Variants in DBNL observed in about 807,000 individuals in gnomAD.
The protein encoded by DBNL is drebrin-like protein.
In DBNL, 35 loss-of-function variants were observed where a neutral mutation model predicts 62.2. That is an observed-to-expected ratio of 0.56 (90% CI 0.43 to 0.75). The LOEUF is 0.75. Ranked by LOEUF, DBNL falls within the 30% of genes least tolerant of loss-of-function variation. The probability of loss-of-function intolerance (pLI) is 0.00; values close to 1 mark genes in which losing one functional copy is unlikely to be tolerated. For missense variants in DBNL, 495 were observed against 578.4 expected, an observed-to-expected ratio of 0.86 and a Z score of 1.48; for synonymous variants, 197 against 218.0, an observed-to-expected ratio of 0.90 and a Z score of 0.85.
Position 44,062,808 on chromosome 7 carries a change from G to C in DBNL, c.*1892G>C, listed in dbSNP as rs375024229. On this transcript the variant is annotated 3_prime_UTR_variant, in exon 13 of 13. Coordinates refer to ENST00000448521, the MANE Select transcript of DBNL (RefSeq NM_001014436.3). ...GCAGCCACAGCCTCCATGGCCTTCCGCACCGTTTCCTCATCACCCAGGAAC... is the reference window on the plus strand; with the variant it reads ...GCAGCCACAGCCTCCATGGCCTTCCCCACCGTTTCCTCATCACCCAGGAAC... 5 of 1,614,134 alleles carry C rather than the reference G, an allele frequency of 3.1e-6. No individual in the cohort carries two copies. In the Admixed American group the frequency reaches 5.0e-5, roughly 16 times the overall value.
At position 44,065,519 on chromosome 7, in the gene DBNL, T is replaced by C; in HGVS notation, c.*4603T>C. On this transcript the variant is annotated 3_prime_UTR_variant, in exon 13 of 13. Coordinates refer to ENST00000448521, the MANE Select transcript of DBNL (RefSeq NM_001014436.3). The stretch of plus-strand genomic sequence containing the variant: ...GCCGTGCCGGACCATCACGAGGCGG[T>C]GAGTGGCCATGGTGGCAGCAGGGAC... 6.2e-7 allele frequency: 1 copy of C among 1,613,818 alleles called. No individual in the cohort carries two copies.
At chr7:44,048,227 G>C (rs1277359399) in intron 1 of DBNL, among the ~76,000 whole-genome samples, 1 of 152,310 alleles carries the variant, frequency 6.6e-6, no homozygotes, top group Admixed American at 6.5e-5. Context: ...GTCCCTTCTT[G>C]CAAGAGCTGG....
intron 4 of DBNL, among the ~76,000 whole-genome samples, chr7:44,055,014 T>C (rs1164152767): frequency 1.3e-5 from 2 of 152,250 alleles, no homozygotes; most frequent in Non-Finnish European, 2.9e-5. Flanking sequence ...ATACTAAATT[T>C]TCTTTACCCT....
chr7:44,059,250 C>A lies in DBNL; in HGVS notation c.836-104C>A. ...CTGTTCCTGCACTAGCAAGAGCAAG[C>A]CCCATGAGACTGCCTCGAGCACACC... On this transcript the variant is annotated intron_variant, in intron 9 of 12. Coordinates refer to ENST00000448521, the MANE Select transcript of DBNL (RefSeq NM_001014436.3). The surrounding 1 kb of genome is among the most constrained non-coding windows in gnomAD (Gnocchi z 4.1). The A allele has an allele frequency of 8.3e-7, 1 of 1,199,500 alleles. No homozygotes were observed. Among genetic ancestry groups the A allele is most frequent in the Non-Finnish European group, 1.2e-6 (1 of 843,340 alleles). The allele number at this position is 1,199,500 out of a possible 1,614,324, so 74.3% of individuals were successfully genotyped here. A position where few individuals can be genotyped will look rare whatever the true frequency, so the allele number is the denominator to read the frequency against.
rs961635945 is a variant in DBNL at position 44,052,082 on chromosome 7, G to A, written c.252+140G>A. The A allele has an allele frequency of 7.7e-5, 52 of 673,042 alleles. 2 individuals carry two copies. In the South Asian group the frequency reaches 8.7e-4, roughly 11 times the overall value. 41.7% of individuals were successfully genotyped at this position (673,042 alleles called of 1,614,324 possible). ...AGAACAGCTCTGAGCTGGTGAATGAGCAGAATAGTTGACAGATTCATTGTG... is the reference window on the plus strand; with the variant it reads ...AGAACAGCTCTGAGCTGGTGAATGAACAGAATAGTTGACAGATTCATTGTG... On this transcript the variant is annotated intron_variant, in intron 3 of 12. Transcript: ENST00000448521.
chr7:44,062,487 C>T lies in DBNL; in HGVS notation c.*1571C>T, dbSNP rs1001599028. ...GGCCCCAAGCACGCCAATTCTGGAG[C>T]ATGGTTACTAAGTGGCTCTGAAGCT... is the stretch of plus-strand genomic sequence containing the variant. On this transcript the variant is annotated 3_prime_UTR_variant, in exon 13 of 13. Transcript: ENST00000448521. 2.1e-6 allele frequency: 1 copy of T among 487,760 alleles called. No homozygotes were observed. Among genetic ancestry groups the T allele is most frequent in the African/African-American group, 1.9e-5 (1 of 51,356 alleles). The allele number at this position is 487,760 out of a possible 1,614,324, so 30.2% of individuals were successfully genotyped here.
At position 44,064,811 on chromosome 7, in the gene DBNL, G is replaced by GC; in HGVS notation, c.*3895_*3896insC. The stretch of plus-strand genomic sequence containing the variant: ...GGCTGCTGCCCACCCACCCTGCCCA[G>GC]GCTCCTGAAGGTGGCCTCACCTTCC... On this transcript the variant is annotated 3_prime_UTR_variant, in exon 13 of 13. Coordinates refer to ENST00000448521, the MANE Select transcript of DBNL (RefSeq NM_001014436.3). 1 of 635,916 alleles carries GC rather than the reference G, an allele frequency of 1.6e-6. No individual in the cohort carries two copies. The highest frequency in any genetic ancestry group is 2.8e-6 in the Non-Finnish European group (1 of 361,680). The allele number at this position is 635,916 out of a possible 1,614,324, so 39.4% of individuals were successfully genotyped here. A position where few individuals can be genotyped will look rare whatever the true frequency, so the allele number is the denominator to read the frequency against.
At position 44,053,877 on chromosome 7, in the gene DBNL, T is replaced by C. The variant is rs553840817; in HGVS notation, c.327+936T>C. ...ATTTTTAGTAGAGACGGGGTTTCAC[T>C]GTGTTAGCCAGGATGGTCTCGATCT... is the stretch of plus-strand genomic sequence containing the variant. On this transcript the variant is annotated intron_variant, in intron 4 of 12. Transcript: ENST00000448521. 3.7e-4 allele frequency among the ~76,000 whole-genome samples: 57 copies of C among 152,126 alleles called. No homozygotes were observed. In the East Asian group the frequency reaches 4.1e-3, roughly 11 times the overall value.
At position 44,064,697 on chromosome 7, in the gene DBNL, C is replaced by A; in HGVS notation, c.*3781C>A. 5 of 802,446 alleles carry A rather than the reference C, an allele frequency of 6.2e-6. No individual in the cohort carries two copies. In the South Asian group the frequency reaches 6.3e-5, roughly 10 times the overall value. 49.7% of individuals were successfully genotyped at this position (802,446 alleles called of 1,614,324 possible). A position where few individuals can be genotyped will look rare whatever the true frequency, so the allele number is the denominator to read the frequency against. ...CAAAACTAAAAAATGGCTTCTCAGC[C>A]CTCCTTTTTCAGTGAATGATGTGGA... is the stretch of plus-strand genomic sequence containing the variant. On this transcript the variant is annotated 3_prime_UTR_variant, in exon 13 of 13. Coordinates refer to ENST00000448521, the MANE Select transcript of DBNL (RefSeq NM_001014436.3).
chr7:44,057,938 C>G, intron 6 of DBNL, 79 bp downstream of exon 6: 1 of 1,589,274 alleles, frequency 6.3e-7, no homozygotes, highest in Non-Finnish European at 8.6e-7. Flanking sequence ...CAAGTGAGCT[C>G]ATGCAGCATC....
chr7:44,045,393 A>G (rs980366203), intron 1 of DBNL, among the ~76,000 whole-genome samples: 1 of 152,188 alleles, frequency 6.6e-6, no homozygotes, highest in African/African-American at 2.4e-5. Context: ...GTTTCTCCAA[A>G]AAGTGTACTC....
chr7:44,059,937 T>C lies in DBNL; in HGVS notation c.1048-111T>C. 2 of 1,097,402 alleles carry C rather than the reference T, an allele frequency of 1.8e-6. No individual in the cohort carries two copies. Among genetic ancestry groups the C allele is most frequent in the Admixed American group, 4.1e-5 (2 of 48,460 alleles). The allele number at this position is 1,097,402 out of a possible 1,614,324, so 68.0% of individuals were successfully genotyped here. A position where few individuals can be genotyped will look rare whatever the true frequency, so the allele number is the denominator to read the frequency against. On this transcript the variant is annotated intron_variant, in intron 11 of 12. Transcript: ENST00000448521. The surrounding 1 kb of genome is among the most constrained non-coding windows in gnomAD (Gnocchi z 4.1). ...AGCAGCAGCCCAGCCCCCGAGCCTGTAGACTGCTTGCCCTCTGCGTACTCC... is the reference window on the plus strand; with the variant it reads ...AGCAGCAGCCCAGCCCCCGAGCCTGCAGACTGCTTGCCCTCTGCGTACTCC...
At position 44,064,793 on chromosome 7, in the gene DBNL, G is replaced by GGCCCCCCCACCCC; in HGVS notation, c.*3877_*3878insGCCCCCCCACCCC. ...AGATGAGAAGCCAGCTGGGGCTGCT[G>GGCCCCCCCACCCC]CCCACCCACCCTGCCCAGGCTCCTG... On this transcript the variant is annotated 3_prime_UTR_variant, in exon 13 of 13. Transcript: ENST00000448521. 1 of 1,136,982 alleles carries GGCCCCCCCACCCC rather than the reference G, an allele frequency of 8.8e-7. No individual in the cohort carries two copies. The highest frequency in any genetic ancestry group is 1.3e-6 in the Non-Finnish European group (1 of 773,400). 70.4% of individuals were successfully genotyped at this position (1,136,982 alleles called of 1,614,324 possible). A position where few individuals can be genotyped will look rare whatever the true frequency, so the allele number is the denominator to read the frequency against.
At chr7:44,056,534 C>T (rs1414222513) in intron 4 of DBNL, among the ~76,000 whole-genome samples, 1 of 152,210 alleles carries the variant, frequency 6.6e-6, no homozygotes. Context: ...TCAAGGGTCT[C>T]ACGTGAACTG....
At chr7:44,058,865 T>C in intron 8 of DBNL, 37 bp from the exon 9 acceptor site, 2 of 1,613,442 alleles carry the variant, frequency 1.2e-6, no homozygotes, top group Non-Finnish European at 1.7e-6. Context: ...GGTGAAGGTT[T>C]TGCCCACTGC....
In DBNL at chr7:44,068,912, C is replaced by T. The variant is rs1373601937; in HGVS notation, c.*7996C>T. The T allele has an allele frequency of 2.0e-5, 3 of 152,146 alleles. No homozygotes were observed. The highest frequency in any genetic ancestry group is 2.1e-4 in the South Asian group (1 of 4,832). 9.4% of individuals were successfully genotyped at this position (152,146 alleles called of 1,614,324 possible). On this transcript the variant is annotated 3_prime_UTR_variant, in exon 13 of 13. Transcript: ENST00000448521. ...AAAAATAAGATCAGCCAGAGAAAAACGATACATTTCATTCAGGTGAACAAT... is the reference window on the plus strand; with the variant it reads ...AAAAATAAGATCAGCCAGAGAAAAATGATACATTTCATTCAGGTGAACAAT...
chr7:44,049,704 G>A (rs2096123230), intron 1 of DBNL, among the ~76,000 whole-genome samples: 1 of 152,210 alleles, frequency 6.6e-6, no homozygotes, highest in African/African-American at 2.4e-5. Context: ...AGGACCTGCT[G>A]CCCTACCCAC....
chr7:44,058,122 C>G lies in DBNL; in HGVS notation c.553-7C>G. On this transcript the variant is annotated splice_polypyrimidine_tract_variant and splice_region_variant and intron_variant, in intron 6 of 12. Transcript: ENST00000448521. ...TAGGGCTGAGCGGGCAGTGGCTCTC[C>G]CTGCAGAAGGAGGAGGAGAACCGTC... 6.4e-7 allele frequency: 1 copy of G among 1,553,764 alleles called. No homozygotes were observed. Among genetic ancestry groups the G allele is most frequent in the South Asian group, 1.2e-5 (1 of 84,230 alleles).
At position 44,064,652 on chromosome 7, in the gene DBNL, C is replaced by T. The variant is rs1365959007; in HGVS notation, c.*3736C>T. Reference sequence around the variant, plus strand: ...CCCTGTGGAGTGTGTCCCAGTTACACAGAAATGGGGAAAATTTCACAAAAC... The same window carrying T: ...CCCTGTGGAGTGTGTCCCAGTTACATAGAAATGGGGAAAATTTCACAAAAC... On this transcript the variant is annotated 3_prime_UTR_variant, in exon 13 of 13. Coordinates refer to ENST00000448521, the MANE Select transcript of DBNL (RefSeq NM_001014436.3). 4 of 643,522 alleles carry T rather than the reference C, an allele frequency of 6.2e-6. No individual in the cohort carries two copies. The highest frequency in any genetic ancestry group is 1.1e-5 in the Non-Finnish European group (4 of 363,250). 39.9% of individuals were successfully genotyped at this position (643,522 alleles called of 1,614,324 possible). A position where few individuals can be genotyped will look rare whatever the true frequency, so the allele number is the denominator to read the frequency against.
Sources: allele counts gnomAD v4.1 joint callset (sites outside exome capture counted in the v4.1 genomes callset), GRCh38; gene constraint gnomAD v4.1.1; non-coding constraint Gnocchi (gnomAD v3.1); transcripts MANE v1.5; gene names NCBI Gene and HGNC (gene_info 2026-07-23, HGNC 2026-07-21).